Variants in NRXN3 observed in about 807,000 individuals in gnomAD.
NRXN3 encodes the protein neurexin 3.
In NRXN3, 32 loss-of-function variants were observed where a neutral mutation model predicts 137.6. That is an observed-to-expected ratio of 0.23 (90% confidence interval 0.18 to 0.31). The LOEUF (loss-of-function observed/expected upper bound fraction) is 0.31, where lower values mean the gene tolerates loss of function less well. NRXN3 is among the 10% of genes least tolerant of loss of function. The probability of loss-of-function intolerance (pLI) is 1.00; values close to 1 mark genes in which losing one functional copy is unlikely to be tolerated. For missense variants in NRXN3, 1,574 were observed against 2,062.5 expected, an observed-to-expected ratio of 0.76 and a Z score of 4.59; for synonymous variants, 798 against 784.5, an observed-to-expected ratio of 1.02 and a Z score of -0.29.
chr14:79,827,427 C>T (rs1022396268), intron 20 of NRXN3, among the ~76,000 whole-genome samples: 1 of 152,152 alleles, frequency 6.6e-6, no homozygotes, highest in Admixed American at 6.5e-5. Flanking sequence ...CTGGGAGCAG[C>T]AACTGTCTCA....
At chr14:79,718,026 G>A (rs916618478) in intron 19 of NRXN3, among the ~76,000 whole-genome samples, 4 of 152,152 alleles carry the variant, frequency 2.6e-5, no homozygotes, top group Non-Finnish European at 5.9e-5. Flanking sequence ...CATTCTGGGA[G>A]TGGGGGCAGA....
At chr14:78,215,252 A>G (rs949912590) in intron 1 of NRXN3, among the ~76,000 whole-genome samples, 3 of 152,218 alleles carry the variant, frequency 2.0e-5, no homozygotes, top group East Asian at 3.9e-4. Flanking sequence ...GTATTTCTAA[A>G]AAGGAGCTAA....
intron 4 of NRXN3, among the ~76,000 whole-genome samples, chr14:78,533,902 T>A (rs2096502152): frequency 6.6e-6 from 1 of 152,222 alleles, no homozygotes; most frequent in African/African-American, 2.4e-5. Context: ...CCATACTCAG[T>A]ACATCATTTT....
chr14:79,818,411 A>G (rs2099259775), intron 20 of NRXN3, among the ~76,000 whole-genome samples: 1 of 152,218 alleles, frequency 6.6e-6, no homozygotes, highest in Admixed American at 6.5e-5. Flanking sequence ...ATATGCCCAG[A>G]CAACAGCCAC....
chr14:78,294,963 G>A lies in NRXN3; in HGVS notation c.728-2868G>A, dbSNP rs116688329. Among the ~76,000 whole-genome samples the A allele has an allele frequency of 7.1e-3, 1,086 of 152,314 alleles. 10 individuals carry two copies. The highest frequency in any genetic ancestry group is 0.025 in the African/African-American group (1,052 of 41,560). On this transcript the variant is annotated intron_variant, in intron 3 of 20. Coordinates refer to ENST00000335750, the MANE Select transcript of NRXN3 (RefSeq NM_001330195.2). ...GATACATGAATTGTTTGGATGATTGGTTGTTGGTACTTCCATTCACTGTTG... is the reference window on the plus strand; with the variant it reads ...GATACATGAATTGTTTGGATGATTGATTGTTGGTACTTCCATTCACTGTTG...
intron 8 of NRXN3, among the ~76,000 whole-genome samples, chr14:78,784,084 A>C (rs1046365185): frequency 3.7e-4 from 56 of 151,606 alleles, no homozygotes; most frequent in Non-Finnish European, 7.2e-4. Context: ...AAAAAAAACA[A>C]CACCAAACAA....
intron 4 of NRXN3, among the ~76,000 whole-genome samples, chr14:78,548,817 AC>A (rs1458486046): frequency 1.3e-5 from 2 of 152,084 alleles, no homozygotes; most frequent in African/African-American, 2.4e-5. Context: ...TTGTTCCATT[AC>A]CCAAGACCAG....
chr14:79,566,562 G>A (rs539045339), intron 16 of NRXN3, among the ~76,000 whole-genome samples: 3 of 152,162 alleles, frequency 2.0e-5, no homozygotes, highest in African/African-American at 4.8e-5. Context: ...AGGCCCTGGG[G>A]CTTCATTGCA....
intron 1 of NRXN3, among the ~76,000 whole-genome samples, chr14:78,199,487 G>T: frequency 6.6e-6 from 1 of 152,124 alleles, no homozygotes; most frequent in Non-Finnish European, 1.5e-5. Flanking sequence ...TTATTCCTGT[G>T]AACAGATCTG....
chr14:78,190,995 A>G (rs896771309), intron 1 of NRXN3, among the ~76,000 whole-genome samples: 5 of 152,138 alleles, frequency 3.3e-5, no homozygotes, highest in Admixed American at 2.0e-4. Context: ...TTTATATATG[A>G]AAGGAAATCG....
chr14:78,665,815 A>C (rs1378031456), intron 6 of NRXN3, among the ~76,000 whole-genome samples: 1 of 152,184 alleles, frequency 6.6e-6, no homozygotes, highest in African/African-American at 2.4e-5. Flanking sequence ...TGGTGAGAGG[A>C]AAGAAATATC....
intron 19 of NRXN3, among the ~76,000 whole-genome samples, chr14:79,724,932 A>G (rs2098873953): frequency 6.6e-6 from 1 of 152,114 alleles, no homozygotes; most frequent in Admixed American, 6.6e-5. Context: ...GGCTAGAAAG[A>G]TCTAATAATG....
chr14:79,409,992 A>G (rs1358984953), intron 15 of NRXN3, among the ~76,000 whole-genome samples: 1 of 151,930 alleles, frequency 6.6e-6, no homozygotes, highest in African/African-American at 2.4e-5. Context: ...TATTTATCAT[A>G]AATTTTAACT....
At chr14:79,188,584 C>T (rs955517913) in intron 15 of NRXN3, among the ~76,000 whole-genome samples, 2 of 152,168 alleles carry the variant, frequency 1.3e-5, no homozygotes. Context: ...ACTTCAAACT[C>T]CCCAGAGGGG....
At chr14:79,256,077 C>A (rs911161219) in intron 15 of NRXN3, among the ~76,000 whole-genome samples, 1 of 151,916 alleles carries the variant, frequency 6.6e-6, no homozygotes, top group African/African-American at 2.4e-5. Flanking sequence ...AAATGCATTT[C>A]TTTATGTCCA....
chr14:79,451,540 G>C (rs1392584306), intron 15 of NRXN3, among the ~76,000 whole-genome samples: 1 of 152,204 alleles, frequency 6.6e-6, no homozygotes, highest in African/African-American at 2.4e-5. Flanking sequence ...TTACCAGTAA[G>C]AGGATCCCTT....
chr14:79,231,535 A>C (rs1041193641), intron 15 of NRXN3, among the ~76,000 whole-genome samples: 6 of 152,172 alleles, frequency 3.9e-5, no homozygotes, highest in Admixed American at 1.3e-4. Context: ...CTCATCTGTC[A>C]GATAGATGGA....
intron 15 of NRXN3, among the ~76,000 whole-genome samples, chr14:79,117,825 G>T (rs1034184037): frequency 6.6e-6 from 1 of 152,186 alleles, no homozygotes; most frequent in Non-Finnish European, 1.5e-5. Context: ...AGAAAAATAA[G>T]AAACAGTCAT....
At chr14:78,766,283 T>C (rs2098708869) in intron 8 of NRXN3, among the ~76,000 whole-genome samples, 1 of 152,232 alleles carries the variant, frequency 6.6e-6, no homozygotes, top group African/African-American at 2.4e-5. Flanking sequence ...TATCAGGTTG[T>C]ATAAGCAAAG....
Sources: gnomAD v4.1 joint callset for allele counts (sites outside exome capture counted in the v4.1 genomes callset) on GRCh38, gnomAD v4.1.1 for gene constraint, MANE v1.5 for transcripts, NCBI Gene and HGNC (gene_info 2026-07-23, HGNC 2026-07-21) for gene names.